Variants in TMEM240 observed in about 807,000 individuals in gnomAD.
TMEM240 encodes the protein transmembrane protein 240, also known as transmembrane protein C1orf70.
TMEM240 carries 3 observed loss-of-function variants against 19.5 expected under a neutral mutation model. That is an observed-to-expected ratio of 0.15 (90% CI 0.07 to 0.40). TMEM240 has a LOEUF of 0.40. Among genes scored for constraint, TMEM240 ranks in the 10% least tolerant of loss-of-function variants. The probability of loss-of-function intolerance (pLI) is 1.00; values close to 1 mark genes in which losing one functional copy is unlikely to be tolerated. For synonymous variants in TMEM240, 123 were observed against 109.3 expected, an observed-to-expected ratio of 1.13 and a Z score of -0.78; for missense variants, 210 against 253.5, an observed-to-expected ratio of 0.83 and a Z score of 1.17.
chr1:1,539,970 AGGGGAGCGCAGGCCGGGGTGG>A (rs1344057328), intron 1 of TMEM240, among the ~76,000 whole-genome samples, 180 bp from the exon 2 acceptor site: 2 of 18,504 alleles, frequency 1.1e-4, no homozygotes, highest in East Asian at 2.0e-3. Context: ...CAGGCTGGGG[AGGGGAGCGCAGGCCGGGGTGG>A]GGGGAGCGCA....
In TMEM240 at chr1:1,540,516, G is replaced by GT. The variant is rs1214017546; in HGVS notation, c.-171_-170insA. The GT allele has an allele frequency of 5.9e-6, 1 of 169,662 alleles. No homozygotes were observed. The highest frequency in any genetic ancestry group is 2.5e-5 in the African/African-American group (1 of 40,590). The allele number at this position is 169,662 out of a possible 1,614,324, so 10.5% of individuals were successfully genotyped here. On this transcript the variant is annotated 5_prime_UTR_variant, in exon 1 of 4. Coordinates refer to ENST00000378733, the MANE Select transcript of TMEM240 (RefSeq NM_001114748.2). ...GCCGGGGGGAGGAGGCGCGGGGGGGGGGGCGCCGGGGAGGGACGCGGGGCC... is the reference window on the plus strand; with the variant it reads ...GCCGGGGGGAGGAGGCGCGGGGGGGGTGGGCGCCGGGGAGGGACGCGGGGCC...
intron 2 of TMEM240, chr1:1,539,066 A>T (rs1642263355): frequency 6.5e-6 from 1 of 154,476 alleles, no homozygotes; most frequent in Non-Finnish European, 1.4e-5. Context: ...TCTCATGAGA[A>T]GATGTTTATT....
Position 1,535,479 on chromosome 1 carries a change from C to A in TMEM240, c.402G>T (p.Leu134=). The change falls in exon 4 of 4, where the codon CTG becomes CTT. Residue 134 remains leucine (L), a synonymous_variant. Coordinates refer to ENST00000378733, the MANE Select transcript of TMEM240 (RefSeq NM_001114748.2). This position sits in a 1 kb window ranked among gnomAD's most constrained non-coding sequence, Gnocchi z 8.2. ...YDGSWTWLPK[L]CSLRELGRRP... is the part of the protein sequence containing the mutation. ...GCCGGCCCAGCTCCCGCAGGCTGCA[C>A]AGCTTGGGCAGCCAGGTCCACGAGC... The A allele has an allele frequency of 6.5e-7, 1 of 1,548,196 alleles. No individual in the cohort carries two copies. Among genetic ancestry groups the A allele is most frequent in the Non-Finnish European group, 8.7e-7 (1 of 1,145,838 alleles).
intron 2 of TMEM240, among the ~76,000 whole-genome samples, chr1:1,537,355 C>T (rs1463538226): frequency 6.6e-6 from 1 of 152,120 alleles, no homozygotes; most frequent in Non-Finnish European, 1.5e-5. Flanking sequence ...CCATCGTCAC[C>T]AATGGGCAGC....
In TMEM240 at chr1:1,540,471, T is replaced by G; in HGVS notation, c.-125A>C. 1.7e-5 allele frequency: 3 copies of G among 173,168 alleles called. No individual in the cohort carries two copies. Among genetic ancestry groups the G allele is most frequent in the Admixed American group, 7.7e-5 (1 of 13,042 alleles). 10.7% of individuals were successfully genotyped at this position (173,168 alleles called of 1,614,324 possible). ...GCTTCCCTGGATCGTCCGCCGCCGC[T>G]CGCTGCAACCCCGGCACCGGCCGGG... On this transcript the variant is annotated 5_prime_UTR_variant, in exon 1 of 4. Transcript: ENST00000378733.
rs1264235491 is a variant in TMEM240, at chr1:1,539,728, C to A, written c.120G>T (p.Pro40=). 5.2e-6 allele frequency: 8 copies of A among 1,547,978 alleles called. No individual in the cohort carries two copies. Among genetic ancestry groups the A allele is most frequent in the Admixed American group, 3.9e-5 (2 of 50,958 alleles). Residue 40 remains proline, a synonymous_variant, in exon 2 of 4, where the codon CCG becomes CCT. Coordinates refer to ENST00000378733, the MANE Select transcript of TMEM240 (RefSeq NM_001114748.2). The stretch of plus-strand genomic sequence containing the variant: ...AGACGCGGTCCTCGCCCCGCAGGTG[C>A]GGGAGGATGTAGTTGTGGAATCGGT... ...LLDRFHNYIL[P]HLRGEDRVCH...
In TMEM240 at chr1:1,535,136, C is replaced by T. The variant is rs1570368589; in HGVS notation, c.*223G>A. On this transcript the variant is annotated 3_prime_UTR_variant, in exon 4 of 4. Transcript: ENST00000378733. The surrounding 1 kb of genome is among the most constrained non-coding windows in gnomAD (Gnocchi z 8.2). ...GCCCTTGTGTCCTGCCCCCCAACTG[C>T]AGGGTCTCCCCTAACCCAACCCCCA... is the stretch of plus-strand genomic sequence containing the variant. 2 of 414,324 alleles carry T rather than the reference C, an allele frequency of 4.8e-6. No individual in the cohort carries two copies. The highest frequency in any genetic ancestry group is 9.3e-5 in the East Asian group (2 of 21,514). 25.7% of individuals were successfully genotyped at this position (414,324 alleles called of 1,614,324 possible).
rs1271827296 is a variant in TMEM240 at position 1,535,464 on chromosome 1, C to G, written c.417G>C (p.Glu139Asp). Residue 139 changes from glutamate to aspartate, a missense_variant, in exon 4 of 4, where the codon GAG becomes GAC. Physicochemically the swap from Glu to Asp is conservative, Grantham distance 45 (BLOSUM62 2). This residue lies in a region of TMEM240 where 157 missense variants were observed against 168.2 expected (regional missense o/e 0.93). Transcript: ENST00000378733. This position sits in a 1 kb window ranked among gnomAD's most constrained non-coding sequence, Gnocchi z 8.2. Reference protein sequence around the residue: ...TWLPKLCSLRELGRRPHRPFE... With the variant: ...TWLPKLCSLRDLGRRPHRPFE... ...AGGGCCTGTGCGGCCGCCGGCCCAG[C>G]TCCCGCAGGCTGCACAGCTTGGGCA... 7.7e-6 allele frequency: 12 copies of G among 1,549,010 alleles called. No individual in the cohort carries two copies. Among genetic ancestry groups the G allele is most frequent in the Admixed American group, 2.0e-5 (1 of 50,942 alleles).
chr1:1,535,623 G>C lies in TMEM240; in HGVS notation c.339C>G (p.Cys113Trp). The C allele has an allele frequency of 6.5e-7, 1 of 1,549,770 alleles. No individual in the cohort carries two copies. Among genetic ancestry groups the C allele is most frequent in the Non-Finnish European group, 8.7e-7 (1 of 1,146,540 alleles). ...GTCCGGCTCTCCAGGCGCGCACGGC[G>C]CAGTGCAGGACGCCGTCCATCCACA... The part of the protein sequence containing the change: ...FLVWMDGVLH[C>W]AVRAWRAGRR... The change falls in exon 3 of 4, where the codon TGC (cysteine) becomes TGG (tryptophan). Residue 113 changes from cysteine (C) to tryptophan (W), a missense_variant. Coordinates refer to ENST00000378733, the MANE Select transcript of TMEM240 (RefSeq NM_001114748.2). This position sits in a 1 kb window ranked among gnomAD's most constrained non-coding sequence, Gnocchi z 8.2.
At chr1:1,537,291 C>T (rs962799285) in intron 2 of TMEM240, among the ~76,000 whole-genome samples, 4 of 152,086 alleles carry the variant, frequency 2.6e-5, no homozygotes, top group African/African-American at 9.7e-5. Context: ...ATGACCGTGG[C>T]TGATTCCTGG....
chr1:1,540,346 T>TCGGGCGGGGC lies in TMEM240; in HGVS notation c.-10_-1dup. 8.2e-7 allele frequency: 1 copy of TCGGGCGGGGC among 1,215,246 alleles called. No homozygotes were observed. The highest frequency in any genetic ancestry group is 1.0e-6 in the Non-Finnish European group (1 of 967,098). 75.3% of individuals were successfully genotyped at this position (1,215,246 alleles called of 1,614,324 possible). A position where few individuals can be genotyped will look rare whatever the true frequency, so the allele number is the denominator to read the frequency against. Reference sequence around the variant, plus strand: ...ATCATGGTGTTCGCGCTCATGGACATCGGGCGGGGCCGGGCCGGGCCGGAG... The same window carrying TCGGGCGGGGC: ...ATCATGGTGTTCGCGCTCATGGACATCGGGCGGGGCCGGGCGGGGCCGGGCCGGGCCGGAG... On this transcript the variant is annotated 5_prime_UTR_variant, in exon 1 of 4. Coordinates refer to ENST00000378733, the MANE Select transcript of TMEM240 (RefSeq NM_001114748.2).
chr1:1,540,369 G>A lies in TMEM240; in HGVS notation c.-23C>T. The A allele has an allele frequency of 1.7e-6, 2 of 1,158,124 alleles. No individual in the cohort carries two copies. The highest frequency in any genetic ancestry group is 1.1e-6 in the Non-Finnish European group (1 of 932,610). 71.7% of individuals were successfully genotyped at this position (1,158,124 alleles called of 1,614,324 possible). A position where few individuals can be genotyped will look rare whatever the true frequency, so the allele number is the denominator to read the frequency against. ...CATCGGGCGGGGCCGGGCCGGGCCG[G>A]AGCGCCGCCCCCCGGCCCCGGCGCC... On this transcript the variant is annotated 5_prime_UTR_variant, in exon 1 of 4. Transcript: ENST00000378733.
Position 1,540,351 on chromosome 1 carries a change from C to A in TMEM240, c.-5G>T. On this transcript the variant is annotated 5_prime_UTR_variant, in exon 1 of 4. Transcript: ENST00000378733. ...GGTGTTCGCGCTCATGGACATCGGGCGGGGCCGGGCCGGGCCGGAGCGCCG... is the reference window on the plus strand; with the variant it reads ...GGTGTTCGCGCTCATGGACATCGGGAGGGGCCGGGCCGGGCCGGAGCGCCG... 3 of 1,198,832 alleles carry A rather than the reference C, an allele frequency of 2.5e-6. No individual in the cohort carries two copies. The highest frequency in any genetic ancestry group is 2.1e-6 in the Non-Finnish European group (2 of 959,854). The allele number at this position is 1,198,832 out of a possible 1,614,324, so 74.3% of individuals were successfully genotyped here. A position where few individuals can be genotyped will look rare whatever the true frequency, so the allele number is the denominator to read the frequency against.
At chr1:1,539,322 C>A (rs945466758) in intron 2 of TMEM240, 1 of 231,182 alleles carries the variant, frequency 4.3e-6, no homozygotes, top group Non-Finnish European at 8.5e-6. Context: ...CCCAGGGACT[C>A]AGTGCAGGGC....
Position 1,535,928 on chromosome 1 carries a change from GCGGGC to G in TMEM240, c.165-136_165-132del. ...GGGGTTCTCTGAAGCAGCCTCTTGGGCGGGCGGGTCGGGAAGGGGGCACCAGACTC... is the reference window on the plus strand; with the variant it reads ...GGGGTTCTCTGAAGCAGCCTCTTGGGGGGTCGGGAAGGGGGCACCAGACTC... On this transcript the variant is annotated intron_variant, in intron 2 of 3. Coordinates refer to ENST00000378733, the MANE Select transcript of TMEM240 (RefSeq NM_001114748.2). The surrounding 1 kb of genome is among the most constrained non-coding windows in gnomAD (Gnocchi z 8.2). 2 of 648,472 alleles carry G rather than the reference GCGGGC, an allele frequency of 3.1e-6. No individual in the cohort carries two copies. Among genetic ancestry groups the G allele is most frequent in the Non-Finnish European group, 5.5e-6 (2 of 364,694 alleles). 40.2% of individuals were successfully genotyped at this position (648,472 alleles called of 1,614,324 possible).
intron 2 of TMEM240, among the ~76,000 whole-genome samples, chr1:1,538,140 G>A (rs1284485036): frequency 1.3e-5 from 2 of 152,182 alleles, no homozygotes; most frequent in African/African-American, 4.8e-5. Context: ...CTGAGCACAC[G>A]GCACTGTATA....
intron 1 of TMEM240, 32 bp downstream of exon 1, chr1:1,540,258 A>G: frequency 4.8e-6 from 6 of 1,250,290 alleles, no homozygotes; most frequent in Non-Finnish European, 6.1e-6. Flanking sequence ...GGCGGGGAGC[A>G]GGGGGCGCGC....
intron 2 of TMEM240, among the ~76,000 whole-genome samples, chr1:1,538,055 G>A (rs993324174): frequency 2.0e-4 from 30 of 152,334 alleles, no homozygotes; most frequent in Admixed American, 5.2e-4. Context: ...TGGTGGATAC[G>A]CAGATACCGC....
intron 2 of TMEM240, among the ~76,000 whole-genome samples, chr1:1,538,301 G>A (rs1226093829): frequency 6.6e-6 from 1 of 152,216 alleles, no homozygotes; most frequent in Non-Finnish European, 1.5e-5. Context: ...AGCAGGCTGT[G>A]GCTCTGCTTC....
Sources: allele counts gnomAD v4.1 joint callset (sites outside exome capture counted in the v4.1 genomes callset), GRCh38; gene constraint gnomAD v4.1.1; regional missense constraint gnomAD v4.1.1; non-coding constraint Gnocchi (gnomAD v3.1); transcripts MANE v1.5; gene names NCBI Gene and HGNC (gene_info 2026-07-23, HGNC 2026-07-21).